WDTC1: variants seen among roughly 807,000 people sequenced by gnomAD.
WDTC1 encodes WD and tetratricopeptide repeats protein 1.
Under a neutral mutation model 76.0 loss-of-function variants are expected in WDTC1, and 12 were observed. That is an observed-to-expected ratio of 0.16 (90% CI 0.10 to 0.26). The LOEUF (loss-of-function observed/expected upper bound fraction) is 0.26, where lower values mean the gene tolerates loss of function less well. Ranked by LOEUF, WDTC1 falls within the 10% of genes least tolerant of loss-of-function variation. The pLI is 1.00. For missense variants in WDTC1, 511 were observed against 908.8 expected (o/e 0.56, Z 5.63); for synonymous variants, 326 against 350.8 (o/e 0.93, Z 0.79).
intron 1 of WDTC1, among the ~76,000 whole-genome samples, chr1:27,248,229 C>T (rs1254289771): frequency 6.6e-6 from 1 of 152,242 alleles, no homozygotes; most frequent in African/African-American, 2.4e-5. Flanking sequence ...AATCTTCACA[C>T]TGCTTTCCAC....
In WDTC1 at chr1:27,305,094, T is replaced by C. The variant is rs1177577521; in HGVS notation, c.1737T>C (p.Asp579=). The C allele has an allele frequency of 6.2e-7, 1 of 1,613,796 alleles. No homozygotes were observed. The highest frequency in any genetic ancestry group is 8.5e-7 in the Non-Finnish European group (1 of 1,179,828). The change falls in exon 15 of 16, where the codon GAT becomes GAC. Residue 579 remains aspartate (D), a synonymous_variant. Coordinates refer to ENST00000319394, the MANE Select transcript of WDTC1 (RefSeq NM_001276252.2). This position sits in a 1 kb window ranked among gnomAD's most constrained non-coding sequence, Gnocchi z 4.6. ...ACCTGGTCCGTGTGCTCCAAGGGGA[T>C]GAGTCCATTGTCAACTGCCTGCAGC... ...TTNLVRVLQG[D]ESIVNCLQPH...
chr1:27,251,011 C>T (rs748852723), intron 1 of WDTC1, among the ~76,000 whole-genome samples: 3 of 129,592 alleles, frequency 2.3e-5, no homozygotes, highest in Non-Finnish European at 3.1e-5. Flanking sequence ...GGATTACTGG[C>T]GTGCACCACT....
At chr1:27,251,033 A>ATT (rs71584875) in intron 1 of WDTC1, among the ~76,000 whole-genome samples, 1,072 of 28,672 alleles carry the variant, frequency 0.037, 422 homozygotes, top group East Asian at 0.13. Context: ...CTCCTGGCTA[A>ATT]TTTTTTTTTT....
chr1:27,280,935 ATCTC>A (rs1166236196), intron 3 of WDTC1, among the ~76,000 whole-genome samples: 7 of 151,900 alleles, frequency 4.6e-5, no homozygotes, highest in African/African-American at 1.7e-4. Flanking sequence ...TTTGTTTGGT[ATCTC>A]TCTCCTTTTT....
In WDTC1 at chr1:27,268,857, GGT is replaced by G. The variant is rs1205022132; in HGVS notation, c.132+5624_132+5625del. ...AGCCTCCCAAGTAGCTGGGACTACA[GGT>G]GCACGCCACCACACCCAGCTAATTT... is the stretch of plus-strand genomic sequence containing the variant. On this transcript the variant is annotated intron_variant, in intron 3 of 15. Coordinates refer to ENST00000319394, the MANE Select transcript of WDTC1 (RefSeq NM_001276252.2). 8.6e-5 allele frequency among the ~76,000 whole-genome samples: 13 copies of G among 151,618 alleles called. No individual in the cohort carries two copies. In the East Asian group the frequency reaches 9.8e-4, roughly 11 times the overall value.
At position 27,306,169 on chromosome 1, in the gene WDTC1, C is replaced by A; in HGVS notation, c.1837-17C>A. 1 of 1,613,922 alleles carries A rather than the reference C, an allele frequency of 6.2e-7. No individual in the cohort carries two copies. Among genetic ancestry groups the A allele is most frequent in the Non-Finnish European group, 8.5e-7 (1 of 1,179,966 alleles). ...CCTCCCTGAGCCCCACGTGTGTCAC[C>A]CCTTTCTCCACCACAGAGTGAAGAC... On this transcript the variant is annotated splice_polypyrimidine_tract_variant and intron_variant, in intron 15 of 15. Coordinates refer to ENST00000319394, the MANE Select transcript of WDTC1 (RefSeq NM_001276252.2). The surrounding 1 kb of genome is among the most constrained non-coding windows in gnomAD (Gnocchi z 5.0).
Position 27,285,717 on chromosome 1 carries a change from G to A in WDTC1, c.292-1957G>A, listed in dbSNP as rs1185331529. 5.3e-5 allele frequency among the ~76,000 whole-genome samples: 8 copies of A among 151,256 alleles called. No individual in the cohort carries two copies. The East Asian group carries it at 1.6e-3, about 29-fold the overall frequency. ...CACCGCTGCCTCAGCCTCCCGAGTAGCTGGGACTACAGGCATACACCACCA... is the reference window on the plus strand; with the variant it reads ...CACCGCTGCCTCAGCCTCCCGAGTAACTGGGACTACAGGCATACACCACCA... On this transcript the variant is annotated intron_variant, in intron 5 of 15. Transcript: ENST00000319394.
chr1:27,270,187 G>A (rs547538302), intron 3 of WDTC1, among the ~76,000 whole-genome samples: 3 of 152,208 alleles, frequency 2.0e-5, no homozygotes, highest in African/African-American at 7.2e-5. Flanking sequence ...GCCTCTCAAA[G>A]TGCTGGGATT....
chr1:27,263,834 T>A (rs939247920), intron 3 of WDTC1, among the ~76,000 whole-genome samples: 23 of 152,248 alleles, frequency 1.5e-4, no homozygotes, highest in African/African-American at 3.4e-4. Flanking sequence ...TTCCTACCCG[T>A]ATACAGGAAT....
rs397970562 is a variant in WDTC1, at chr1:27,250,863, GT to G, written c.-99-10079del. ...TCCAAATCGAGCTGTTAATTGACTT[GT>G]TTTTTTTTTTTTTCTTTTTTGAGAC... On this transcript the variant is annotated intron_variant, in intron 1 of 15. Transcript: ENST00000319394. Among the ~76,000 whole-genome samples, 635 of 135,956 alleles carry G rather than the reference GT, an allele frequency of 4.7e-3. 1 individual carries two copies. Among genetic ancestry groups the G allele is most frequent in the African/African-American group, 8.8e-3 (330 of 37,330 alleles). 89.2% of individuals were successfully genotyped at this position (135,956 alleles called of 152,430 possible). A position where few individuals can be genotyped will look rare whatever the true frequency, so the allele number is the denominator to read the frequency against.
At chr1:27,237,402 A>G (rs1329287560) in intron 1 of WDTC1, among the ~76,000 whole-genome samples, 2 of 152,166 alleles carry the variant, frequency 1.3e-5, no homozygotes, top group African/African-American at 2.4e-5. Context: ...TTAGTTATCT[A>G]TTCTGTTTCC....
At chr1:27,281,061 G>A (rs2013172847) in intron 3 of WDTC1, among the ~76,000 whole-genome samples, 1 of 151,200 alleles carries the variant, frequency 6.6e-6, no homozygotes, top group Non-Finnish European at 1.5e-5. Context: ...ACTGCACCAG[G>A]CTCTACCTAT....
At chr1:27,279,476 A>T (rs2013130458) in intron 3 of WDTC1, among the ~76,000 whole-genome samples, 1 of 152,170 alleles carries the variant, frequency 6.6e-6, no homozygotes, top group South Asian at 2.1e-4. Flanking sequence ...CAGAAATATA[A>T]TCGCTCCTTT....
In WDTC1 at chr1:27,306,639, C is replaced by G. The variant is rs1394398298; in HGVS notation, c.*256C>G. On this transcript the variant is annotated 3_prime_UTR_variant, in exon 16 of 16. Coordinates refer to ENST00000319394, the MANE Select transcript of WDTC1 (RefSeq NM_001276252.2). This position sits in a 1 kb window ranked among gnomAD's most constrained non-coding sequence, Gnocchi z 5.0. ...GGACACCCCTCCATATGCCCCCCCC[C>G]ATCTCCTGCTTTCATGTCCCTGGAG... 7.4e-6 allele frequency: 4 copies of G among 542,498 alleles called. No individual in the cohort carries two copies. The East Asian group carries it at 1.3e-4, about 17-fold the overall frequency. The allele number at this position is 542,498 out of a possible 1,614,324, so 33.6% of individuals were successfully genotyped here. A position where few individuals can be genotyped will look rare whatever the true frequency, so the allele number is the denominator to read the frequency against.
Position 27,253,755 on chromosome 1 carries a change from A to G in WDTC1, c.-99-7201A>G, listed in dbSNP as rs757602679. ...TTCAGCCTTTTTGCCTCTTAGCAGA[A>G]CTGAACATTATGTAATTTGCATACT... On this transcript the variant is annotated intron_variant, in intron 1 of 15. Transcript: ENST00000319394. 1.9e-4 allele frequency among the ~76,000 whole-genome samples: 29 copies of G among 152,102 alleles called. 1 individual carries two copies. The highest frequency in any genetic ancestry group is 1.8e-4 in the Non-Finnish European group (12 of 68,014).
intron 1 of WDTC1, among the ~76,000 whole-genome samples, chr1:27,254,916 C>T (rs1287530781): frequency 6.6e-6 from 1 of 151,972 alleles, no homozygotes; most frequent in African/African-American, 2.4e-5. Flanking sequence ...CGTAAGCCAC[C>T]GTGCCTAGCC....
intron 3 of WDTC1, among the ~76,000 whole-genome samples, chr1:27,268,120 A>G (rs1267432367): frequency 1.3e-5 from 2 of 152,094 alleles, no homozygotes; most frequent in Non-Finnish European, 2.9e-5. Context: ...CTCTCTCTCA[A>G]ACCCCAATGT....
intron 3 of WDTC1, among the ~76,000 whole-genome samples, chr1:27,277,060 T>A (rs1165068134): frequency 6.6e-6 from 1 of 151,790 alleles, no homozygotes; most frequent in Non-Finnish European, 1.5e-5. Flanking sequence ...TGATATGGGA[T>A]CTGTCTCTGT....
intron 3 of WDTC1, among the ~76,000 whole-genome samples, chr1:27,267,197 T>C (rs1394399127): frequency 6.6e-6 from 1 of 152,162 alleles, no homozygotes; most frequent in Non-Finnish European, 1.5e-5. Context: ...ATAGAATTTA[T>C]ACCTACAGAG....
Sources: gnomAD v4.1 joint callset for allele counts (sites outside exome capture counted in the v4.1 genomes callset) on GRCh38, gnomAD v4.1.1 for gene constraint, Gnocchi (gnomAD v3.1) non-coding constraint, MANE v1.5 for transcripts, NCBI Gene and HGNC (gene_info 2026-07-23, HGNC 2026-07-21) for gene names.